The following ADGRG7 variants were observed in gnomAD, a reference collection of about 807,000 sequenced individuals.
ADGRG7 encodes G-protein coupled receptor 128.
In ADGRG7, 82 loss-of-function variants were observed where a neutral mutation model predicts 88.6. The ratio of observed to expected loss-of-function variants is 0.93; its 90% CI spans 0.77 to 1.11. ADGRG7 has a LOEUF of 1.11. Ranked by LOEUF, ADGRG7 falls within the 50% of genes most tolerant of loss-of-function variation. The pLI is 0.00. For missense variants in ADGRG7, 945 were observed against 953.4 expected (o/e 0.99, Z 0.12); for synonymous variants, 381 against 345.2 (o/e 1.10, Z -1.15).
intron 1 of ADGRG7, among the ~76,000 whole-genome samples, chr3:100,625,400 A>T (rs1165256): frequency 0.91 from 138,900 of 152,208 alleles, 64,807 homozygotes; most frequent in East Asian, 1. Flanking sequence ...CCTGAGACTT[A>T]GCTGAAATTG....
intron 11 of ADGRG7, chr3:100,654,073 T>C (rs928623186): frequency 2.0e-5 from 3 of 152,152 alleles, no homozygotes; most frequent in Non-Finnish European, 2.9e-5. Context: ...AATCCACGGA[T>C]ACCTCCTCGG....
Position 100,656,030 on chromosome 3 carries a change from G to T in ADGRG7, c.1823+35G>T. On this transcript the variant is annotated intron_variant, in intron 13 of 15. Coordinates refer to ENST00000273352, the MANE Select transcript of ADGRG7 (RefSeq NM_032787.3). ...TATTTTTTTAAATGTCCAATTGTTT[G>T]ACCTAAAAGTGTAACTGTTCAGTGA... 2.3e-6 allele frequency: 3 copies of T among 1,316,318 alleles called. No individual in the cohort carries two copies. The South Asian group carries it at 3.6e-5, about 16-fold the overall frequency. The allele number at this position is 1,316,318 out of a possible 1,614,324, so 81.5% of individuals were successfully genotyped here.
intron 4 of ADGRG7, among the ~76,000 whole-genome samples, chr3:100,634,634 G>A (rs1410846435): frequency 6.6e-6 from 1 of 152,146 alleles, no homozygotes; most frequent in Admixed American, 6.5e-5. Context: ...AAGTTGGAGA[G>A]TGGATGTGGC....
chr3:100,646,873 C>T (rs1707759042), intron 10 of ADGRG7, 149 bp downstream of exon 10: 1 of 778,980 alleles, frequency 1.3e-6, no homozygotes. Flanking sequence ...AATAATGGGA[C>T]TTAAGGCCGG....
rs544790723 is a variant in ADGRG7, at chr3:100,618,449, C to T, written c.115+8478C>T. Among the ~76,000 whole-genome samples, 16 of 152,260 alleles carry T rather than the reference C, an allele frequency of 1.1e-4. No homozygotes were observed. The East Asian group carries it at 2.9e-3, about 28-fold the overall frequency. On this transcript the variant is annotated intron_variant, in intron 1 of 15. Coordinates refer to ENST00000273352, the MANE Select transcript of ADGRG7 (RefSeq NM_032787.3). ...TTTCTACATTCGGCTAGCCAGTTTT[C>T]CCAGCACCATTTATTAAATAGGGAA...
At chr3:100,674,314 CT>C (rs1352061187) in intron 15 of ADGRG7, among the ~76,000 whole-genome samples, 1 of 151,860 alleles carries the variant, frequency 6.6e-6, no homozygotes, top group Non-Finnish European at 1.5e-5. Context: ...ACATTTTTTT[CT>C]TTTTCTGTGA....
chr3:100,669,071 T>G lies in ADGRG7; in HGVS notation c.2102T>G (p.Phe701Cys). The change falls in exon 15 of 16, where the codon TTC becomes TGC. Residue 701 changes from phenylalanine (F) to cysteine (C), a missense_variant. Physicochemically the swap from Phe to Cys is radical, Grantham distance 205. Transcript: ENST00000273352. ...LVNDDSIRIV[F>C]SYIFCLFNTT... ...AATGATGATAGCATCAGGATCGTCT[T>G]CAGCTACATATTCTGCCTTTTCAAC... 1 of 1,596,274 alleles carries G rather than the reference T, an allele frequency of 6.3e-7. No homozygotes were observed. Among genetic ancestry groups the G allele is most frequent in the Non-Finnish European group, 8.5e-7 (1 of 1,172,768 alleles).
chr3:100,635,716 G>A lies in ADGRG7; in HGVS notation c.487G>A (p.Glu163Lys). Residue 163 changes from glutamate (E) to lysine (K), a missense_variant, in exon 5 of 16, where the codon GAA becomes AAA. Glu to Lys is a moderately conservative substitution (Grantham distance 56). Transcript: ENST00000273352. Reference sequence around the variant, plus strand: ...AGCACCACTTAATAACATTTCTTCTGAAGTCCAGATTTTAACATCTGATGC... The same window carrying A: ...AGCACCACTTAATAACATTTCTTCTAAAGTCCAGATTTTAACATCTGATGC... ...VTAPLNNISS[E>K]VQILTSDANK... 6.2e-7 allele frequency: 1 copy of A among 1,613,898 alleles called. No homozygotes were observed. The highest frequency in any genetic ancestry group is 8.5e-7 in the Non-Finnish European group (1 of 1,179,908).
chr3:100,690,359 C>G (rs924108957), intron 15 of ADGRG7, among the ~76,000 whole-genome samples: 6 of 152,122 alleles, frequency 3.9e-5, no homozygotes, highest in African/African-American at 1.4e-4. Flanking sequence ...CTTCTGAAGC[C>G]TTCTTCTCTC....
intron 1 of ADGRG7, among the ~76,000 whole-genome samples, chr3:100,612,605 G>A (rs1382947344): frequency 6.6e-6 from 1 of 152,180 alleles, no homozygotes; most frequent in Non-Finnish European, 1.5e-5. Context: ...CATAATGGTA[G>A]AAAATGTTTT....
chr3:100,657,130 C>T (rs1463874671), intron 13 of ADGRG7, among the ~76,000 whole-genome samples: 1 of 152,184 alleles, frequency 6.6e-6, no homozygotes, highest in Admixed American at 6.5e-5. Flanking sequence ...TTCCTGATTA[C>T]GGTGTTAGTT....
intron 4 of ADGRG7, 95 bp downstream of exon 4, chr3:100,633,472 T>G: frequency 1.9e-6 from 1 of 536,472 alleles, no homozygotes; most frequent in Non-Finnish European, 3.1e-6. Context: ...TCAATTCTTT[T>G]AAAACTCTCA....
Position 100,652,896 on chromosome 3 carries a change from G to C in ADGRG7, c.1380-1939G>C, listed in dbSNP as rs148666649. Among the ~76,000 whole-genome samples the C allele has an allele frequency of 3.5e-3, 527 of 152,112 alleles. 5 individuals carry two copies. The highest frequency in any genetic ancestry group is 5.1e-3 in the Non-Finnish European group (349 of 67,996). On this transcript the variant is annotated intron_variant, in intron 11 of 15. Coordinates refer to ENST00000273352, the MANE Select transcript of ADGRG7 (RefSeq NM_032787.3). ...CTGCTCTTTTAGAGCAAAGACATTA[G>C]GTAAGCATGAGAAGGGAAAAAAAGG...
chr3:100,678,766 C>A (rs1476193905), intron 15 of ADGRG7, among the ~76,000 whole-genome samples: 2 of 152,210 alleles, frequency 1.3e-5, no homozygotes, highest in African/African-American at 2.4e-5. Flanking sequence ...GAGGCAGAGA[C>A]TGTTCTCTTC....
At chr3:100,679,493 AGTAGCT>A (rs2094970078) in intron 15 of ADGRG7, among the ~76,000 whole-genome samples, 1 of 152,150 alleles carries the variant, frequency 6.6e-6, no homozygotes, top group Non-Finnish European at 1.5e-5. Flanking sequence ...ATCTTGTGTG[AGTAGCT>A]GTTAAATTTG....
At chr3:100,673,635 TA>T (rs1231508584) in intron 15 of ADGRG7, among the ~76,000 whole-genome samples, 1 of 152,128 alleles carries the variant, frequency 6.6e-6, no homozygotes, top group Non-Finnish European at 1.5e-5. Context: ...CTAATTTTTG[TA>T]TTTTTAGTAG....
chr3:100,653,895 G>A (rs1028283784), intron 11 of ADGRG7, among the ~76,000 whole-genome samples: 2 of 151,880 alleles, frequency 1.3e-5, no homozygotes, highest in African/African-American at 4.8e-5. Flanking sequence ...TTTCTCCTTT[G>A]TTCAGCTAAA....
At chr3:100,686,317 C>T (rs2094982549) in intron 15 of ADGRG7, among the ~76,000 whole-genome samples, 1 of 152,132 alleles carries the variant, frequency 6.6e-6, no homozygotes, top group Non-Finnish European at 1.5e-5. Flanking sequence ...TTCTCCCATT[C>T]TGTAGGTTGC....
intron 15 of ADGRG7, among the ~76,000 whole-genome samples, chr3:100,687,717 C>G (rs760483486): frequency 6.6e-6 from 1 of 152,272 alleles, no homozygotes; most frequent in South Asian, 2.1e-4. Flanking sequence ...TTGCATCCAA[C>G]GGATGAAGCC....
Sources: allele counts gnomAD v4.1 joint callset (sites outside exome capture counted in the v4.1 genomes callset), GRCh38; gene constraint gnomAD v4.1.1; transcripts MANE v1.5; gene names NCBI Gene and HGNC (gene_info 2026-07-23, HGNC 2026-07-21).